Variants in KCNH7 observed in about 807,000 individuals in gnomAD.
KCNH7 encodes the protein potassium voltage-gated channel subfamily H member 7.
In KCNH7, 49 loss-of-function variants were observed where a neutral mutation model predicts 120.8. That is an observed-to-expected ratio of 0.41 (90% confidence interval 0.32 to 0.51). The LOEUF is 0.51. Among genes scored for constraint, KCNH7 ranks in the 20% least tolerant of loss-of-function variants. The pLI, the probability that KCNH7 is intolerant of heterozygous loss-of-function variation, is 0.38. For synonymous variants in KCNH7, 547 were observed against 516.1 expected, an observed-to-expected ratio of 1.06 and a Z score of -0.81; for missense variants, 1,097 against 1,446.6, an observed-to-expected ratio of 0.76 and a Z score of 3.92.
intron 2 of KCNH7, among the ~76,000 whole-genome samples, chr2:162,660,081 G>A (rs893562275): frequency 1.3e-5 from 2 of 151,872 alleles, no homozygotes; most frequent in African/African-American, 4.8e-5. Flanking sequence ...CCAGCTTTTT[G>A]TTTCATCGGT....
chr2:162,820,106 C>G (rs999409748), intron 2 of KCNH7, among the ~76,000 whole-genome samples: 6 of 133,980 alleles, frequency 4.5e-5, no homozygotes, highest in African/African-American at 1.8e-4. Context: ...GTGGCGCTAT[C>G]TCAGCTCACT....
At chr2:162,573,090 G>A (rs1185263696) in intron 2 of KCNH7, among the ~76,000 whole-genome samples, 1 of 151,856 alleles carries the variant, frequency 6.6e-6, no homozygotes, top group Non-Finnish European at 1.5e-5. Context: ...TACAAATATG[G>A]CCTAATAATT....
intron 6 of KCNH7, among the ~76,000 whole-genome samples, chr2:162,473,946 A>G (rs1689650240): frequency 6.6e-6 from 1 of 152,222 alleles, no homozygotes; most frequent in Non-Finnish European, 1.5e-5. Flanking sequence ...AAGAGGTCAA[A>G]ATTGACTCTA....
intron 2 of KCNH7, among the ~76,000 whole-genome samples, chr2:162,624,679 T>C (rs1683483547): frequency 6.6e-6 from 1 of 152,274 alleles, no homozygotes; most frequent in Non-Finnish European, 1.5e-5. Flanking sequence ...TATGGGCTGC[T>C]ATCATATACA....
intron 6 of KCNH7, among the ~76,000 whole-genome samples, chr2:162,450,992 G>T (rs1688749442): frequency 6.6e-6 from 1 of 151,942 alleles, no homozygotes; most frequent in South Asian, 2.1e-4. Context: ...TCCAATAATA[G>T]CAAATCTTAT....
intron 2 of KCNH7, among the ~76,000 whole-genome samples, chr2:162,629,137 T>C (rs1315205372): frequency 6.6e-6 from 1 of 152,108 alleles, no homozygotes; most frequent in East Asian, 1.9e-4. Context: ...ACGCTGACTT[T>C]CTTACCTCAC....
At chr2:162,712,515 C>G (rs912696859) in intron 2 of KCNH7, among the ~76,000 whole-genome samples, 7 of 152,032 alleles carry the variant, frequency 4.6e-5, no homozygotes, top group African/African-American at 1.7e-4. Flanking sequence ...TACAGTTATT[C>G]GTCTAAACTC....
At chr2:162,783,256 T>A (rs752934692) in intron 2 of KCNH7, among the ~76,000 whole-genome samples, 1 of 152,174 alleles carries the variant, frequency 6.6e-6, no homozygotes, top group Non-Finnish European at 1.5e-5. Context: ...TTCATTTTCA[T>A]GTCCCCTTCC....
At chr2:162,803,426 T>C (rs1304127131) in intron 2 of KCNH7, among the ~76,000 whole-genome samples, 1 of 151,760 alleles carries the variant, frequency 6.6e-6, no homozygotes, top group Non-Finnish European at 1.5e-5. Flanking sequence ...TAACATTGGA[T>C]TTAACTCTCC....
intron 2 of KCNH7, among the ~76,000 whole-genome samples, chr2:162,701,269 T>A (rs1265434973): frequency 6.6e-6 from 1 of 152,146 alleles, no homozygotes; most frequent in Non-Finnish European, 1.5e-5. Context: ...ATTTTTACTG[T>A]GAAACATGCA....
In KCNH7 at chr2:162,371,818, G is replaced by C; in HGVS notation, c.*11C>G. 6.2e-7 allele frequency: 1 copy of C among 1,604,782 alleles called. No individual in the cohort carries two copies. Among genetic ancestry groups the C allele is most frequent in the Non-Finnish European group, 8.5e-7 (1 of 1,172,560 alleles). ...ACTTACATTGTATGTGGAGTAAATA[G>C]TACAAAATGATTATTTCCCTGGAAG... On this transcript the variant is annotated 3_prime_UTR_variant, in exon 16 of 16. Coordinates refer to ENST00000332142, the MANE Select transcript of KCNH7 (RefSeq NM_033272.4).
rs188931712 is a variant in KCNH7 at position 162,638,507 on chromosome 2, C to T, written c.308-101427G>A. Among the ~76,000 whole-genome samples, 873 of 152,068 alleles carry T rather than the reference C, an allele frequency of 5.7e-3. 6 individuals carry two copies. Among genetic ancestry groups the T allele is most frequent in the Non-Finnish European group, 6.4e-3 (435 of 67,968 alleles). On this transcript the variant is annotated intron_variant, in intron 2 of 15. Coordinates refer to ENST00000332142, the MANE Select transcript of KCNH7 (RefSeq NM_033272.4). ...GTTACTGAACCTTACTGATAAACAA[C>T]ATGTCACATCATTAACTCTGAACGG...
chr2:162,387,462 A>G (rs1303464101), intron 12 of KCNH7, among the ~76,000 whole-genome samples: 2 of 151,538 alleles, frequency 1.3e-5, no homozygotes, highest in African/African-American at 2.4e-5. Context: ...ATTATTTGAT[A>G]GACATTAAAT....
intron 9 of KCNH7, among the ~76,000 whole-genome samples, chr2:162,410,468 T>A (rs891339048): frequency 1.1e-4 from 17 of 151,846 alleles, no homozygotes; most frequent in African/African-American, 3.9e-4. Flanking sequence ...CTAAAAACAA[T>A]AAAAACTCTA....
intron 2 of KCNH7, among the ~76,000 whole-genome samples, chr2:162,705,249 T>C (rs928269115): frequency 1.3e-5 from 2 of 152,186 alleles, no homozygotes; most frequent in Non-Finnish European, 2.9e-5. Flanking sequence ...AAGAACATTC[T>C]TTAGTTTTAT....
At chr2:162,652,039 TA>T (rs1684584247) in intron 2 of KCNH7, among the ~76,000 whole-genome samples, 1 of 152,214 alleles carries the variant, frequency 6.6e-6, no homozygotes, top group Non-Finnish European at 1.5e-5. Flanking sequence ...GTCCACTTTT[TA>T]AAGTTTTATT....
chr2:162,800,670 CAT>C (rs1236697133), intron 2 of KCNH7, among the ~76,000 whole-genome samples: 1 of 151,912 alleles, frequency 6.6e-6, no homozygotes, highest in African/African-American at 2.4e-5. Context: ...AAGAATATCA[CAT>C]GTTAAAACTA....
intron 6 of KCNH7, among the ~76,000 whole-genome samples, chr2:162,496,147 C>T (rs912602406): frequency 2.6e-5 from 4 of 152,140 alleles, no homozygotes; most frequent in Admixed American, 2.6e-4. Context: ...GCCACTTTCC[C>T]AAAACAGAAC....
At chr2:162,757,165 A>T (rs893846829) in intron 2 of KCNH7, among the ~76,000 whole-genome samples, 2 of 152,164 alleles carry the variant, frequency 1.3e-5, no homozygotes, top group African/African-American at 2.4e-5. Flanking sequence ...TAAAGCTGTT[A>T]AAAAATGTGG....
Sources: allele counts gnomAD v4.1 joint callset (sites outside exome capture counted in the v4.1 genomes callset), GRCh38; gene constraint gnomAD v4.1.1; transcripts MANE v1.5; gene names NCBI Gene and HGNC (gene_info 2026-07-23, HGNC 2026-07-21).